The following PRKG1 variants were observed in gnomAD, a reference collection of about 807,000 sequenced individuals.
PRKG1 encodes protein kinase cGMP-dependent 1, also known as cGMP-dependent protein kinase 1.
PRKG1 carries 35 observed loss-of-function variants against 88.1 expected under a neutral mutation model. That is an observed-to-expected ratio of 0.40 (90% CI 0.30 to 0.53). The LOEUF (loss-of-function observed/expected upper bound fraction) is 0.53, where lower values mean the gene tolerates loss of function less well. Ranked by LOEUF, PRKG1 falls within the 20% of genes least tolerant of loss-of-function variation. PRKG1 has a pLI of 0.59. For synonymous variants in PRKG1, 303 were observed against 292.5 expected (o/e 1.04, Z -0.37); for missense variants, 540 against 839.8 (o/e 0.64, Z 4.41).
chr10:51,800,083 G>T (rs957338367), intron 3 of PRKG1, among the ~76,000 whole-genome samples: 1 of 152,020 alleles, frequency 6.6e-6, no homozygotes, highest in Non-Finnish European at 1.5e-5. Context: ...ATATAGGAGG[G>T]TATAAAAATA....
intron 2 of PRKG1, among the ~76,000 whole-genome samples, chr10:51,215,911 G>A (rs1838360404): frequency 6.6e-6 from 1 of 152,228 alleles, no homozygotes; most frequent in Non-Finnish European, 1.5e-5. Context: ...TTTTAGAAGT[G>A]TTCATGGAAG....
chr10:51,797,274 C>T (rs1052187786), intron 3 of PRKG1, among the ~76,000 whole-genome samples: 3 of 149,208 alleles, frequency 2.0e-5, no homozygotes, highest in African/African-American at 7.4e-5. Context: ...GTAAATACAT[C>T]TGATCACTTT....
intron 2 of PRKG1, among the ~76,000 whole-genome samples, chr10:51,405,851 G>A (rs887073859): frequency 6.6e-6 from 1 of 152,066 alleles, no homozygotes; most frequent in East Asian, 1.9e-4. Flanking sequence ...AGGGAGATAC[G>A]GCAAGTTCCA....
chr10:51,604,492 C>A (rs1838703161), intron 3 of PRKG1, among the ~76,000 whole-genome samples: 1 of 152,146 alleles, frequency 6.6e-6, no homozygotes, highest in African/African-American at 2.4e-5. Flanking sequence ...AGGCCCAAAC[C>A]ATATCTGATT....
chr10:51,254,093 A>T (rs1210626876), intron 2 of PRKG1, among the ~76,000 whole-genome samples: 1 of 152,004 alleles, frequency 6.6e-6, no homozygotes, highest in Non-Finnish European at 1.5e-5. Flanking sequence ...AATATTATAC[A>T]CACATACACA....
In PRKG1 at chr10:52,290,205, A is replaced by G. The variant is rs1451779680; in HGVS notation, c.1896-19A>G. 3.1e-6 allele frequency: 5 copies of G among 1,609,454 alleles called. No homozygotes were observed. Among genetic ancestry groups the G allele is most frequent in the Middle Eastern group, 1.7e-4 (1 of 6,004 alleles). On this transcript the variant is annotated intron_variant, in intron 16 of 17. Coordinates refer to ENST00000373980, the MANE Select transcript of PRKG1 (RefSeq NM_006258.4). Reference sequence around the variant, plus strand: ...TAGCTGACACAAAATGTTTTTATCAACGTTTTTTCCTTTTCTAGATGGTTT... The same window carrying G: ...TAGCTGACACAAAATGTTTTTATCAGCGTTTTTTCCTTTTCTAGATGGTTT...
At chr10:51,948,539 TGTGTGTGTGC>T (rs1441297899) in intron 5 of PRKG1, among the ~76,000 whole-genome samples, 3 of 110,674 alleles carry the variant, frequency 2.7e-5, no homozygotes, top group African/African-American at 1.7e-4. Flanking sequence ...TGTGTGTGTG[TGTGTGTGTGC>T]GTGTGTGTGT....
chr10:51,126,853 G>A (rs10995788), intron 1 of PRKG1, among the ~76,000 whole-genome samples: 29,112 of 152,000 alleles, frequency 0.19, 3,005 homozygotes, highest in Admixed American at 0.25. Context: ...ACAAAACCAA[G>A]CAATGGGGAA....
rs200855643 is a variant in PRKG1, at chr10:51,905,602, G to GT, written c.699-1896dup. Among the ~76,000 whole-genome samples the GT allele has an allele frequency of 3.4e-3, 518 of 150,832 alleles. 6 individuals carry two copies. The highest frequency in any genetic ancestry group is 0.012 in the African/African-American group (473 of 41,110). On this transcript the variant is annotated intron_variant, in intron 4 of 17. Transcript: ENST00000373980. Reference sequence around the variant, plus strand: ...AGGAATTATATGTTGATAACCTTTTGTTTTTTTTTATTTAAAGTTATTATA... The same window carrying GT: ...AGGAATTATATGTTGATAACCTTTTGTTTTTTTTTTATTTAAAGTTATTATA...
chr10:51,094,414 TGTTTG>T (rs898728217), intron 1 of PRKG1, among the ~76,000 whole-genome samples: 1 of 152,102 alleles, frequency 6.6e-6, no homozygotes, highest in African/African-American at 2.4e-5. Flanking sequence ...GAATGGGTCG[TGTTTG>T]GTTTTGAGCT....
chr10:52,154,415 T>C (rs945857018), intron 8 of PRKG1, among the ~76,000 whole-genome samples: 4 of 152,160 alleles, frequency 2.6e-5, no homozygotes, highest in Non-Finnish European at 5.9e-5. Flanking sequence ...TGTGCTTATG[T>C]CTTTACAGAC....
intron 7 of PRKG1, among the ~76,000 whole-genome samples, chr10:52,105,419 A>G (rs1847392641): frequency 6.6e-6 from 1 of 152,202 alleles, no homozygotes; most frequent in Non-Finnish European, 1.5e-5. Flanking sequence ...TAAGGAAGCG[A>G]TAATAACCCT....
chr10:52,001,482 C>A (rs1844597298), intron 5 of PRKG1, among the ~76,000 whole-genome samples: 1 of 151,718 alleles, frequency 6.6e-6, no homozygotes, highest in African/African-American at 2.4e-5. Context: ...ACATATACAA[C>A]TTTTTTTGTC....
At chr10:52,140,672 C>A (rs1026413175) in intron 8 of PRKG1, among the ~76,000 whole-genome samples, 5 of 152,002 alleles carry the variant, frequency 3.3e-5, no homozygotes, top group African/African-American at 1.2e-4. Context: ...TCGTGAAAAT[C>A]CAGAAGAATC....
At chr10:51,965,446 T>G (rs1193599692) in intron 5 of PRKG1, among the ~76,000 whole-genome samples, 1 of 152,214 alleles carries the variant, frequency 6.6e-6, no homozygotes, top group Non-Finnish European at 1.5e-5. Flanking sequence ...AAATTGTATG[T>G]AAGATTTAAT....
At chr10:51,880,481 T>A (rs1010453829) in intron 4 of PRKG1, among the ~76,000 whole-genome samples, 8 of 152,172 alleles carry the variant, frequency 5.3e-5, no homozygotes, top group African/African-American at 1.7e-4. Flanking sequence ...AGGTCCCCAT[T>A]TTTCCATTTA....
rs75992756 is a variant in PRKG1 at position 51,992,478 on chromosome 10, G to A, written c.763-62006G>A. Among the ~76,000 whole-genome samples the A allele has an allele frequency of 7.9e-3, 1,201 of 152,096 alleles. 23 individuals are homozygous for A. The highest frequency in any genetic ancestry group is 0.027 in the African/African-American group (1,138 of 41,474). On this transcript the variant is annotated intron_variant, in intron 5 of 17. Transcript: ENST00000373980. ...TTAGAAAGGCACCGGTAAGACCTCC[G>A]TAAGAACTATAACATTTTTTTTTCC...
chr10:52,204,223 G>C (rs1363243568), intron 9 of PRKG1, among the ~76,000 whole-genome samples: 1 of 151,924 alleles, frequency 6.6e-6, no homozygotes, highest in African/African-American at 2.4e-5. Context: ...TCAGCCTCCT[G>C]GGTAGCTGAG....
chr10:52,042,495 G>T (rs143447050), intron 5 of PRKG1, among the ~76,000 whole-genome samples: 1 of 152,120 alleles, frequency 6.6e-6, no homozygotes, highest in African/African-American at 2.4e-5. Flanking sequence ...TTCAATAAAT[G>T]GTCCTGGAAA....
Sources: allele counts gnomAD v4.1 joint callset (sites outside exome capture counted in the v4.1 genomes callset), GRCh38; gene constraint gnomAD v4.1.1; transcripts MANE v1.5; gene names NCBI Gene and HGNC (gene_info 2026-07-23, HGNC 2026-07-21).